The following CENPW variants were observed in gnomAD, a reference collection of about 807,000 sequenced individuals.
The protein encoded by CENPW is cancer-up-regulated gene 2 protein.
In CENPW, 3 loss-of-function variants were observed where a neutral mutation model predicts 11.1. The ratio of observed to expected loss-of-function variants is 0.27; its 90% CI spans 0.12 to 0.70. The LOEUF is 0.70. Ranked by LOEUF, CENPW falls within the 30% of genes least tolerant of loss-of-function variation. The pLI, the probability that CENPW is intolerant of heterozygous loss-of-function variation, is 0.77. For synonymous variants in CENPW, 38 were observed against 42.0 expected (o/e 0.91, Z 0.37); for missense variants, 100 against 105.6 (o/e 0.95, Z 0.23).
the CENPW span, among the ~76,000 whole-genome samples, chr6:126,387,324 A>G: frequency 0.8 from 121,949 of 151,796 alleles, 49,434 homozygotes; most frequent in East Asian, 1. Flanking sequence ...AGAAAGAGTG[A>G]TTAGAAGTAT....
chr6:126,380,832 A>G, the CENPW span, among the ~76,000 whole-genome samples: 2 of 152,216 alleles, frequency 1.3e-5, no homozygotes, highest in Non-Finnish European at 2.9e-5. Flanking sequence ...TCCTGAAATA[A>G]TAACAATGAC....
chr6:126,471,876 G>A, the CENPW span, among the ~76,000 whole-genome samples: 7 of 152,258 alleles, frequency 4.6e-5, no homozygotes, highest in Non-Finnish European at 1.0e-4. Flanking sequence ...GTTGAGCAAT[G>A]TTTTTATCTG....
At chr6:126,400,072 C>T in the CENPW span, among the ~76,000 whole-genome samples, 27 of 151,938 alleles carry the variant, frequency 1.8e-4, no homozygotes, top group African/African-American at 5.1e-4. Context: ...CATTCTTGAA[C>T]GAGTTATTTT....
At chr6:126,479,863 T>A in the CENPW span, among the ~76,000 whole-genome samples, 8 of 152,018 alleles carry the variant, frequency 5.3e-5, no homozygotes, top group Admixed American at 3.9e-4. Flanking sequence ...GATTCTATCA[T>A]TTTATTTTGC....
At chr6:126,459,209 T>G in the CENPW span, among the ~76,000 whole-genome samples, 2 of 151,482 alleles carry the variant, frequency 1.3e-5, no homozygotes, top group African/African-American at 4.8e-5. Flanking sequence ...CATTCCGATT[T>G]TTGATCATTA....
the CENPW span, among the ~76,000 whole-genome samples, chr6:126,403,705 C>G: frequency 6.6e-6 from 1 of 151,940 alleles, no homozygotes; most frequent in Non-Finnish European, 1.5e-5. Flanking sequence ...CAAGATGAAA[C>G]AGTAAGTGCT....
chr6:126,390,590 A>G, the CENPW span, among the ~76,000 whole-genome samples: 2 of 151,688 alleles, frequency 1.3e-5, no homozygotes, highest in Non-Finnish European at 3.0e-5. Context: ...GTGTCCATTA[A>G]TCATCCCCAC....
At chr6:126,388,710 T>C in the CENPW span, among the ~76,000 whole-genome samples, 1 of 151,946 alleles carries the variant, frequency 6.6e-6, no homozygotes, top group African/African-American at 2.4e-5. Flanking sequence ...TTTCTATCAG[T>C]TGGTAAACTG....
At chr6:126,408,818 A>C in the CENPW span, among the ~76,000 whole-genome samples, 3 of 152,024 alleles carry the variant, frequency 2.0e-5, no homozygotes, top group Non-Finnish European at 4.4e-5. Flanking sequence ...GGTATCAATT[A>C]TAATTTTTTT....
At chr6:126,477,789 A>G in the CENPW span, among the ~76,000 whole-genome samples, 1 of 151,986 alleles carries the variant, frequency 6.6e-6, no homozygotes, top group Admixed American at 6.6e-5. Flanking sequence ...TATCTTGCAC[A>G]TTATTTTTGC....
At chr6:126,438,047 C>A in the CENPW span, among the ~76,000 whole-genome samples, 1 of 150,634 alleles carries the variant, frequency 6.6e-6, no homozygotes, top group Non-Finnish European at 1.5e-5. Flanking sequence ...AACAGAGAGA[C>A]CTTTAAAATT....
chr6:126,430,208 A>T, the CENPW span, among the ~76,000 whole-genome samples: 1 of 152,202 alleles, frequency 6.6e-6, no homozygotes, highest in East Asian at 1.9e-4. Flanking sequence ...TATTCGCATC[A>T]TGTCTTGAAC....
At chr6:126,441,371 A>G in the CENPW span, among the ~76,000 whole-genome samples, 273 of 151,478 alleles carry the variant, frequency 1.8e-3, 4 homozygotes, top group Admixed American at 9.8e-3. Context: ...GTTCTCCCAG[A>G]GATTCTGTAA....
At chr6:126,445,882 G>A in the CENPW span, among the ~76,000 whole-genome samples, 1 of 151,022 alleles carries the variant, frequency 6.6e-6, no homozygotes, top group South Asian at 2.1e-4. Context: ...AATAAAAAGG[G>A]AAGGAATGTT....
chr6:126,421,444 C>G, the CENPW span, among the ~76,000 whole-genome samples: 1 of 152,054 alleles, frequency 6.6e-6, no homozygotes. Context: ...ATGGCAAACT[C>G]TAATGTGCCA....
chr6:126,389,250 A>G, the CENPW span, among the ~76,000 whole-genome samples: 424 of 152,086 alleles, frequency 2.8e-3, 1 homozygote, highest in African/African-American at 9.4e-3. Flanking sequence ...CAGATGTGGG[A>G]CCACATAGGA....
At chr6:126,398,839 A>G in the CENPW span, among the ~76,000 whole-genome samples, 1 of 150,962 alleles carries the variant, frequency 6.6e-6, no homozygotes, top group East Asian at 1.9e-4. Context: ...GTATCCCCCA[A>G]TGTCTATTGT....
the CENPW span, among the ~76,000 whole-genome samples, chr6:126,415,209 T>C: frequency 6.6e-6 from 1 of 151,860 alleles, no homozygotes; most frequent in Admixed American, 6.6e-5. Context: ...CATAAGTGGG[T>C]TGATATTTTT....
At chr6:126,351,048 T>A (rs568561250), downstream of CENPW, among the ~76,000 whole-genome samples, 2 of 151,936 alleles carry the variant, frequency 1.3e-5, no homozygotes, top group African/African-American at 2.4e-5. Flanking sequence ...TTTTTTTTTT[T>A]AATGATGTTT....
Sources: allele counts gnomAD v4.1 joint callset (sites outside exome capture counted in the v4.1 genomes callset), GRCh38; gene constraint gnomAD v4.1.1; transcripts MANE v1.5; gene names NCBI Gene and HGNC (gene_info 2026-07-23, HGNC 2026-07-21).